The following ABCC9 variants were observed in gnomAD, a reference collection of about 807,000 sequenced individuals.
ABCC9 encodes ATP binding cassette subfamily C member 9.
In ABCC9, 95 loss-of-function variants were observed where a neutral mutation model predicts 188.3. That is an observed-to-expected ratio of 0.50 (90% CI 0.43 to 0.60). The LOEUF (loss-of-function observed/expected upper bound fraction) is 0.60. Ranked by LOEUF, ABCC9 falls within the 20% of genes least tolerant of loss-of-function variation. The pLI is 0.00. For synonymous variants in ABCC9, 659 were observed against 652.7 expected (o/e 1.01, Z -0.15); for missense variants, 1,102 against 1,876.3 (o/e 0.59, Z 7.62).
Position 21,798,998 on chromosome 12 carries a change from C to G in ABCC9, c.*2046G>C, listed in dbSNP as rs955585015. On this transcript the variant is annotated 3_prime_UTR_variant, in exon 40 of 40. Transcript: ENST00000261200. ...CATTCTCAGTAAACTATCGCAAGAA[C>G]AAAAAACCAAACACCGCATATTCTC... 2.1e-5 allele frequency: 3 copies of G among 143,472 alleles called. No homozygotes were observed. Among genetic ancestry groups the G allele is most frequent in the African/African-American group, 7.8e-5 (3 of 38,284 alleles). The allele number at this position is 143,472 out of a possible 1,614,324, so 8.9% of individuals were successfully genotyped here. A position where few individuals can be genotyped will look rare whatever the true frequency, so the allele number is the denominator to read the frequency against.
intron 5 of ABCC9, 147 bp from the exon 6 acceptor site, chr12:21,917,250 T>C (rs1390664335): frequency 3.5e-6 from 3 of 859,112 alleles, no homozygotes; most frequent in Non-Finnish European, 5.5e-6. Context: ...AAACAACATA[T>C]ATGATTTAGT....
In ABCC9 at chr12:21,803,656, C is replaced by CAA. The variant is rs3061809; in HGVS notation, c.4512+2340_4512+2341dup. On this transcript the variant is annotated intron_variant, in intron 39 of 39. Transcript: ENST00000261200. Reference sequence around the variant, plus strand: ...GGCAACAAGAGTGAAACTCTGTCTCCAAAAAAAAAAAAAAAAAAACATTGA... The same window carrying CAA: ...GGCAACAAGAGTGAAACTCTGTCTCCAAAAAAAAAAAAAAAAAAAAACATTGA... Among the ~76,000 whole-genome samples, 211 of 84,544 alleles carry CAA rather than the reference C, an allele frequency of 2.5e-3. 1 individual carries two copies. The highest frequency in any genetic ancestry group is 8.6e-3 in the African/African-American group (180 of 20,984). 55.5% of individuals were successfully genotyped at this position (84,544 alleles called of 152,430 possible). A position where few individuals can be genotyped will look rare whatever the true frequency, so the allele number is the denominator to read the frequency against.
intron 15 of ABCC9, among the ~76,000 whole-genome samples, chr12:21,885,781 G>GA (rs960294654): frequency 1.3e-5 from 2 of 151,938 alleles, no homozygotes; most frequent in Non-Finnish European, 2.9e-5. Context: ...AACAGAAAGT[G>GA]AAAAAACAAA....
chr12:21,872,315 G>A (rs961050531), intron 18 of ABCC9, among the ~76,000 whole-genome samples: 1 of 152,066 alleles, frequency 6.6e-6, no homozygotes. Context: ...TTTTGTTATA[G>A]AATAAACTTT....
At chr12:21,925,776 C>T (rs1346824502) in intron 5 of ABCC9, among the ~76,000 whole-genome samples, 166 bp downstream of exon 5, 1 of 151,994 alleles carries the variant, frequency 6.6e-6, no homozygotes, top group Non-Finnish European at 1.5e-5. Flanking sequence ...TATCTTCAAC[C>T]CCACATTTAC....
chr12:21,817,881 AT>A (rs528222833), intron 32 of ABCC9, among the ~76,000 whole-genome samples: 12 of 151,880 alleles, frequency 7.9e-5, no homozygotes, highest in Non-Finnish European at 1.2e-4. Context: ...ACAAAATGAG[AT>A]TTTTTTCCCT....
At chr12:21,825,112 A>G (rs1241516538) in intron 31 of ABCC9, among the ~76,000 whole-genome samples, 2 of 152,250 alleles carry the variant, frequency 1.3e-5, no homozygotes, top group East Asian at 3.9e-4. Context: ...TATGCCAGTT[A>G]GAATGGCAAT....
chr12:21,840,232 C>CA (rs1316352379), intron 29 of ABCC9, among the ~76,000 whole-genome samples: 1 of 152,058 alleles, frequency 6.6e-6, no homozygotes, highest in Admixed American at 6.5e-5. Flanking sequence ...TTAGTGTATA[C>CA]AAAAATGGCA....
At chr12:21,910,701 C>T (rs767104652) in intron 9 of ABCC9, 125 bp downstream of exon 9, 8 of 819,614 alleles carry the variant, frequency 9.8e-6, no homozygotes, top group East Asian at 7.4e-5. Flanking sequence ...ATTATAGAAA[C>T]GTTGTTGTTG....
chr12:21,846,538 A>T (rs550364893), intron 25 of ABCC9, among the ~76,000 whole-genome samples: 2 of 151,966 alleles, frequency 1.3e-5, no homozygotes, highest in South Asian at 4.1e-4. Context: ...TATACTATAT[A>T]CATATCAGGT....
rs397517188 is a variant in ABCC9 at position 21,859,679 on chromosome 12, C to T, written c.2425-13G>A. 1.9e-6 allele frequency: 3 copies of T among 1,611,892 alleles called. No individual in the cohort carries two copies. The highest frequency in any genetic ancestry group is 2.7e-5 in the African/African-American group (2 of 74,872). On this transcript the variant is annotated splice_polypyrimidine_tract_variant and intron_variant, in intron 21 of 39. Coordinates refer to ENST00000261200, the MANE Select transcript of ABCC9 (RefSeq NM_020297.4). Reference sequence around the variant, plus strand: ...TCAGGTTGATGCCCTAGAGAAGAGACACCCCCAAATACCCATTTTTTAATA... The same window carrying T: ...TCAGGTTGATGCCCTAGAGAAGAGATACCCCCAAATACCCATTTTTTAATA...
At chr12:21,814,496 GT>G in intron 35 of ABCC9, 147 bp downstream of exon 35, 1 of 710,678 alleles carries the variant, frequency 1.4e-6, no homozygotes, top group Non-Finnish European at 2.5e-6. Flanking sequence ...CTTTTGAGCT[GT>G]TTATTTGGGA....
chr12:21,904,262 T>C (rs1397624844), intron 12 of ABCC9, among the ~76,000 whole-genome samples: 9 of 152,168 alleles, frequency 5.9e-5, no homozygotes, highest in Non-Finnish European at 1.3e-4. Context: ...CTTTACACCT[T>C]ATACAAAAAA....
At chr12:21,898,558 T>G (rs1221601402) in intron 12 of ABCC9, among the ~76,000 whole-genome samples, 1 of 152,204 alleles carries the variant, frequency 6.6e-6, no homozygotes, top group East Asian at 1.9e-4. Flanking sequence ...CTAAATCTAT[T>G]TCAAAAAAGA....
chr12:21,800,905 A>G lies in ABCC9; in HGVS notation c.*139T>C. The G allele has an allele frequency of 1.0e-6, 1 of 979,090 alleles. No individual in the cohort carries two copies. Among genetic ancestry groups the G allele is most frequent in the Non-Finnish European group, 1.5e-6 (1 of 658,146 alleles). The allele number at this position is 979,090 out of a possible 1,614,324, so 60.7% of individuals were successfully genotyped here. A position where few individuals can be genotyped will look rare whatever the true frequency, so the allele number is the denominator to read the frequency against. ...TATCTTGAAAAACTGTTTTAAAAAC[A>G]GGAAAAATAAATGTCCACTTTTTGT... On this transcript the variant is annotated 3_prime_UTR_variant, in exon 40 of 40. Transcript: ENST00000261200.
intron 20 of ABCC9, among the ~76,000 whole-genome samples, chr12:21,862,385 T>TCC (rs996127934): frequency 4.6e-5 from 7 of 151,956 alleles, no homozygotes; most frequent in Non-Finnish European, 8.8e-5. Flanking sequence ...TTCTCCTCCC[T>TCC]CCCCCTTCCT....
chr12:21,902,863 C>T (rs1716438506), intron 12 of ABCC9, among the ~76,000 whole-genome samples: 1 of 152,124 alleles, frequency 6.6e-6, no homozygotes, highest in South Asian at 2.1e-4. Context: ...ACCAGAGGTA[C>T]AAGGAGGAGC....
chr12:21,907,154 G>A (rs931482967), intron 11 of ABCC9, among the ~76,000 whole-genome samples: 2 of 151,994 alleles, frequency 1.3e-5, no homozygotes, highest in Non-Finnish European at 2.9e-5. Flanking sequence ...AATGAATATG[G>A]TATGAATAGC....
intron 24 of ABCC9, 77 bp downstream of exon 24, chr12:21,852,020 A>G: frequency 6.4e-7 from 1 of 1,554,148 alleles, no homozygotes. Context: ...AATTTTTTAA[A>G]AAGCATTCTT....
Sources: allele counts gnomAD v4.1 joint callset (sites outside exome capture counted in the v4.1 genomes callset), GRCh38; gene constraint gnomAD v4.1.1; transcripts MANE v1.5; gene names NCBI Gene and HGNC (gene_info 2026-07-23, HGNC 2026-07-21).